Variants in NBAS observed in about 807,000 individuals in gnomAD.
NBAS encodes the protein NAG/BC035112 fusion.
NBAS carries 219 observed loss-of-function variants against 302.5 expected under a neutral mutation model. The ratio of observed to expected loss-of-function variants is 0.72; its 90% CI spans 0.65 to 0.81. NBAS has a LOEUF of 0.81. NBAS is among the 30% of genes least tolerant of loss of function. The pLI is 0.00. For synonymous variants in NBAS, 1,118 were observed against 1,021.6 expected (o/e 1.09, Z -1.80); for missense variants, 2,932 against 2,841.6 (o/e 1.03, Z -0.72).
intron 33 of NBAS, among the ~76,000 whole-genome samples, chr2:15,355,600 G>C (rs532263225): frequency 6.6e-6 from 1 of 152,248 alleles, no homozygotes; most frequent in African/African-American, 2.4e-5. Flanking sequence ...GAGGTGATTA[G>C]ATCATGGGTG....
intron 38 of NBAS, among the ~76,000 whole-genome samples, chr2:15,315,510 T>A (rs1286552943): frequency 6.6e-6 from 1 of 152,220 alleles, no homozygotes; most frequent in Non-Finnish European, 1.5e-5. Context: ...GTCAGTTACT[T>A]ATTCCCCAAA....
chr2:14,870,760 G>A, the NBAS span, among the ~76,000 whole-genome samples: 3 of 152,184 alleles, frequency 2.0e-5, no homozygotes, highest in South Asian at 6.2e-4. Context: ...AGTGAATCTG[G>A]AAAATCAACC....
intron 33 of NBAS, among the ~76,000 whole-genome samples, chr2:15,355,099 T>C (rs1673549888): frequency 6.6e-6 from 1 of 152,196 alleles, no homozygotes; most frequent in Admixed American, 6.5e-5. Context: ...TTAACAAGTG[T>C]CAGAATAATG....
intron 48 of NBAS, among the ~76,000 whole-genome samples, chr2:15,213,004 G>A (rs1003190955): frequency 6.6e-6 from 1 of 152,012 alleles, no homozygotes; most frequent in African/African-American, 2.4e-5. Flanking sequence ...TGGTGTAGAG[G>A]TCCTTCACCA....
At chr2:14,942,697 T>G in the NBAS span, among the ~76,000 whole-genome samples, 1 of 152,168 alleles carries the variant, frequency 6.6e-6, no homozygotes, top group African/African-American at 2.4e-5. Flanking sequence ...AGCTAAAGCC[T>G]AAACCCCCTA....
chr2:15,424,242 C>T, intron 23 of NBAS, 73 bp downstream of exon 23: 1 of 1,549,888 alleles, frequency 6.5e-7, no homozygotes, highest in Non-Finnish European at 8.9e-7. Context: ...AGCCCCGACT[C>T]CGTGTACTGA....
the NBAS span, among the ~76,000 whole-genome samples, chr2:15,105,475 G>GAAAA: frequency 6.0e-5 from 9 of 151,068 alleles, no homozygotes; most frequent in African/African-American, 1.9e-4. Context: ...AAAAAAGAAA[G>GAAAA]AAAGAAAAAT....
At chr2:15,248,822 G>C (rs1276443573) in intron 44 of NBAS, among the ~76,000 whole-genome samples, 1 of 152,076 alleles carries the variant, frequency 6.6e-6, no homozygotes, top group Non-Finnish European at 1.5e-5. Flanking sequence ...GCAATTAATA[G>C]CCTCCCAACC....
At chr2:15,081,290 G>C in the NBAS span, among the ~76,000 whole-genome samples, 1 of 152,026 alleles carries the variant, frequency 6.6e-6, no homozygotes, top group African/African-American at 2.4e-5. Flanking sequence ...GTCTCCCTAA[G>C]CTACTTCTGG....
intron 16 of NBAS, 130 bp from the exon 17 acceptor site, chr2:15,468,663 T>A: frequency 2.9e-6 from 3 of 1,048,300 alleles, no homozygotes; most frequent in Non-Finnish European, 4.3e-6. Flanking sequence ...CATAGGGAGC[T>A]GCTAGAGGAA....
intron 9 of NBAS, among the ~76,000 whole-genome samples, chr2:15,520,931 G>A (rs1222585993): frequency 6.6e-6 from 1 of 152,154 alleles, no homozygotes; most frequent in African/African-American, 2.4e-5. Context: ...ATACACAATA[G>A]CAGTTATGAA....
chr2:15,448,775 A>G (rs1252667766), intron 21 of NBAS, among the ~76,000 whole-genome samples: 1 of 152,222 alleles, frequency 6.6e-6, no homozygotes, highest in Non-Finnish European at 1.5e-5. Context: ...TATAAATGCA[A>G]TGCTTAAACA....
At chr2:15,486,638 C>G (rs1680640368) in intron 12 of NBAS, among the ~76,000 whole-genome samples, 1 of 152,188 alleles carries the variant, frequency 6.6e-6, no homozygotes, top group Non-Finnish European at 1.5e-5. Flanking sequence ...AGGTCCCCCC[C>G]TTTCCCTTTC....
At chr2:15,075,566 A>G in the NBAS span, among the ~76,000 whole-genome samples, 1 of 152,174 alleles carries the variant, frequency 6.6e-6, no homozygotes, top group African/African-American at 2.4e-5. Flanking sequence ...ATTCCTTCAG[A>G]CTTAGGGCTA....
the NBAS span, among the ~76,000 whole-genome samples, chr2:14,980,691 A>C: frequency 6.6e-6 from 1 of 152,192 alleles, no homozygotes; most frequent in East Asian, 1.9e-4. Flanking sequence ...ACTAGATATG[A>C]AAAATGGACT....
chr2:15,468,199 T>C (rs1679807337), intron 17 of NBAS, among the ~76,000 whole-genome samples, 183 bp downstream of exon 17: 1 of 152,348 alleles, frequency 6.6e-6, no homozygotes, highest in South Asian at 2.1e-4. Context: ...CTCATATTTA[T>C]ATTTTTTAAA....
At chr2:14,800,785 G>GTTTTTTTTTTTTTTTTTTTTTTT in the NBAS span, among the ~76,000 whole-genome samples, 2 of 129,526 alleles carry the variant, frequency 1.5e-5, 1 homozygote, top group African/African-American at 6.4e-5. Flanking sequence ...GATTTAAATT[G>GTTTTTTTTTTTTTTTTTTTTTTT]TTTTTGTTTT....
chr2:15,008,846 C>A, the NBAS span, among the ~76,000 whole-genome samples: 33 of 152,254 alleles, frequency 2.2e-4, no homozygotes, highest in East Asian at 6.2e-3. Context: ...TTATATGGGT[C>A]TAGGTATTCC....
the NBAS span, among the ~76,000 whole-genome samples, chr2:15,157,496 A>G: frequency 6.6e-6 from 1 of 152,048 alleles, no homozygotes; most frequent in African/African-American, 2.4e-5. Context: ...GCAGCATGAC[A>G]CCCTCACCTG....
Sources: gnomAD v4.1 joint callset for allele counts (sites outside exome capture counted in the v4.1 genomes callset) on GRCh38, gnomAD v4.1.1 for gene constraint, MANE v1.5 for transcripts, NCBI Gene and HGNC (gene_info 2026-07-23, HGNC 2026-07-21) for gene names.